SYNE1: variants seen among roughly 807,000 people sequenced by gnomAD.
SYNE1 encodes the protein spectrin repeat containing nuclear envelope protein 1.
In SYNE1, 616 loss-of-function variants were observed where a neutral mutation model predicts 1,111.0. The observed-to-expected ratio is 0.55, with a 90% CI of 0.52 to 0.59. SYNE1 has a LOEUF of 0.59. SYNE1 is among the 20% of genes least tolerant of loss of function. SYNE1 has a pLI of 0.00. For synonymous variants in SYNE1, 3,855 were observed against 3,825.8 expected (o/e 1.01, Z -0.28); for missense variants, 10,006 against 10,417.0 (o/e 0.96, Z 1.72).
At chr6:152,222,178 A>T (rs768392214) in intron 117 of SYNE1, among the ~76,000 whole-genome samples, 1 of 152,338 alleles carries the variant, frequency 6.6e-6, no homozygotes, top group South Asian at 2.1e-4. Context: ...TGCGTTAGGG[A>T]TAAAAACTCC....
chr6:152,158,001 C>T (rs2061710350), intron 131 of SYNE1, among the ~76,000 whole-genome samples: 1 of 152,154 alleles, frequency 6.6e-6, no homozygotes, highest in Non-Finnish European at 1.5e-5. Flanking sequence ...AGGTGATCCG[C>T]CCACCTCGGC....
chr6:152,344,070 G>A lies in SYNE1; in HGVS notation c.12225+11C>T, dbSNP rs1439341633. The stretch of plus-strand genomic sequence containing the variant: ...TCACAAGAATAACACAAACTTTCAG[G>A]AGTTTACTACCTGCTTAATGGCTTC... On this transcript the variant is annotated intron_variant, in intron 74 of 145. Transcript: ENST00000367255. 2 of 1,613,990 alleles carry A rather than the reference G, an allele frequency of 1.2e-6. No homozygotes were observed. The highest frequency in any genetic ancestry group is 1.7e-6 in the Non-Finnish European group (2 of 1,180,004).
intron 106 of SYNE1, 51 bp from the exon 107 acceptor site, chr6:152,242,491 C>T (rs2085967368): frequency 6.2e-7 from 1 of 1,602,416 alleles, no homozygotes; most frequent in African/African-American, 1.3e-5. Flanking sequence ...TCTGGCAACC[C>T]TCTAAAAGCA....
intron 14 of SYNE1, among the ~76,000 whole-genome samples, chr6:152,478,883 C>T (rs894338723): frequency 4.6e-5 from 7 of 152,064 alleles, no homozygotes; most frequent in South Asian, 4.2e-4. Context: ...TGGCTTTCAC[C>T]GGCATTGTGT....
intron 32 of SYNE1, among the ~76,000 whole-genome samples, chr6:152,439,309 T>C (rs1448803086): frequency 6.6e-6 from 1 of 152,242 alleles, no homozygotes; most frequent in Non-Finnish European, 1.5e-5. Flanking sequence ...GGCTGGAACG[T>C]GGTCAGAAAC....
chr6:152,421,898 G>A (rs541152985), intron 39 of SYNE1, among the ~76,000 whole-genome samples: 255 of 152,104 alleles, frequency 1.7e-3, no homozygotes, highest in African/African-American at 5.9e-3. Context: ...TAGAGATGGA[G>A]TTTCACCACA....
intron 61 of SYNE1, 115 bp downstream of exon 61, chr6:152,368,857 T>G: frequency 1.5e-6 from 2 of 1,336,248 alleles, no homozygotes; most frequent in Non-Finnish European, 2.1e-6. Flanking sequence ...ACTGCTGACC[T>G]GGAGACCCAC....
intron 130 of SYNE1, chr6:152,167,726 A>T: frequency 1.9e-6 from 1 of 534,176 alleles, no homozygotes; most frequent in Non-Finnish European, 3.9e-6. Context: ...AGCTAAGGCT[A>T]AATTTCAGTT....
In SYNE1 at chr6:152,380,991, A is replaced by T. The variant is rs1482270079; in HGVS notation, c.9009+15T>A. On this transcript the variant is annotated intron_variant, in intron 56 of 145. Coordinates refer to ENST00000367255, the MANE Select transcript of SYNE1 (RefSeq NM_182961.4). ...TAAAGCATAACCACCAATAGAAAAC[A>T]GGAAGCCAACTTACTTGTCCTTTGT... is the stretch of plus-strand genomic sequence containing the variant. The T allele has an allele frequency of 1.7e-5, 27 of 1,612,366 alleles. No homozygotes were observed. Among genetic ancestry groups the T allele is most frequent in the Non-Finnish European group, 2.2e-5 (26 of 1,178,376 alleles).
In SYNE1 at chr6:152,391,420, C is replaced by A. The variant is rs753209925; in HGVS notation, c.7861G>T (p.Val2621Leu). The A allele has an allele frequency of 6.2e-7, 1 of 1,613,912 alleles. No homozygotes were observed. Among genetic ancestry groups the A allele is most frequent in the South Asian group, 1.1e-5 (1 of 91,052 alleles). Residue 2621 changes from valine to leucine, a missense_variant, in exon 52 of 146, where the codon GTG (valine) becomes TTG (leucine). Transcript: ENST00000367255. The stretch of plus-strand genomic sequence containing the variant: ...AGGGCTTCGTGCTCCTGAAGGGCCA[C>A]CTGGCAGCTCCGGAGTTTCTCTTTG... The part of the protein sequence containing the change: ...MTKEKLRSCQ[V>L]ALQEHEALEE...
intron 3 of SYNE1, among the ~76,000 whole-genome samples, chr6:152,620,290 T>G (rs1040888550): frequency 4.2e-5 from 3 of 71,820 alleles, no homozygotes; most frequent in Non-Finnish European, 3.2e-5. Flanking sequence ...CAGTGTTGAG[T>G]GCCCATTTCA....
chr6:152,378,983 C>T (rs966692133), intron 56 of SYNE1, among the ~76,000 whole-genome samples: 10 of 152,206 alleles, frequency 6.6e-5, no homozygotes, highest in Non-Finnish European at 1.0e-4. Flanking sequence ...AACAATTTCT[C>T]TCTGAAATTC....
At chr6:152,406,902 TA>T (rs1396278949) in intron 45 of SYNE1, 111 bp downstream of exon 45, 110 of 758,850 alleles carry the variant, frequency 1.4e-4, no homozygotes, top group Non-Finnish European at 1.9e-4. Context: ...TAAAATAAAA[TA>T]AAAAATAAAA....
At chr6:152,196,533 C>T (rs73780839) in intron 127 of SYNE1, among the ~76,000 whole-genome samples, 9,839 of 151,984 alleles carry the variant, frequency 0.065, 379 homozygotes, top group African/African-American at 0.11. Flanking sequence ...CCCTTCAATG[C>T]AGCAGGTTCT....
At chr6:152,438,535 A>C (rs1037595067) in intron 32 of SYNE1, among the ~76,000 whole-genome samples, 39 of 152,370 alleles carry the variant, frequency 2.6e-4, no homozygotes, top group African/African-American at 7.7e-4. Flanking sequence ...AGCAGGATGC[A>C]TCAGGTAAAA....
Position 152,354,897 on chromosome 6 carries a change from C to T in SYNE1, c.10688G>A (p.Gly3563Asp). 6.2e-7 allele frequency: 1 copy of T among 1,614,158 alleles called. No individual in the cohort carries two copies. The change falls in exon 67 of 146, where the codon GGT becomes GAT. Residue 3563 changes from glycine (G) to aspartate (D), a missense_variant. Physicochemically the swap from Gly to Asp is moderately conservative, Grantham distance 94. Around this residue, in one of 7 missense-constraint regions of SYNE1, gnomAD observed 4,955 missense variants for 5,017.2 expected, o/e 0.99. Transcript: ENST00000367255. Reference sequence around the variant, plus strand: ...AGCCCGGTCCTCTGCCTGTGGGATACCTGATGGGATCACATCCTCTCTGGT... The same window carrying T: ...AGCCCGGTCCTCTGCCTGTGGGATATCTGATGGGATCACATCCTCTCTGGT... ...LHTREDVIPS[G>D]IPQAEDRALE...
chr6:152,447,124 C>T (rs565158475), intron 29 of SYNE1, among the ~76,000 whole-genome samples: 5 of 152,134 alleles, frequency 3.3e-5, no homozygotes, highest in Non-Finnish European at 5.9e-5. Flanking sequence ...ATTTCTTTGA[C>T]CCTAAGCCTT....
Position 152,249,172 on chromosome 6 carries a change from C to G in SYNE1, c.19561G>C (p.Glu6521Gln), listed in dbSNP as rs199560890. 2.7e-5 allele frequency: 44 copies of G among 1,612,220 alleles called. No individual in the cohort carries two copies. In the East Asian group the frequency reaches 9.8e-4, roughly 36 times the overall value. Residue 6521 changes from glutamate to glutamine, a missense_variant, in exon 105 of 146, where the codon GAA becomes CAA. Glu to Gln is a conservative substitution (Grantham distance 29, BLOSUM62 2). Around this residue, in one of 7 missense-constraint regions of SYNE1, gnomAD observed 2,182 missense variants for 2,287.8 expected, o/e 0.95. Transcript: ENST00000367255. ...LANVFEQPVA[E>Q]QIEAIQQAED... Reference sequence around the variant, plus strand: ...GCAGCTATAAATACCTCTATTTGTTCTGCTACGGGCTGTTCAAACACATTT... The same window carrying G: ...GCAGCTATAAATACCTCTATTTGTTGTGCTACGGGCTGTTCAAACACATTT...
chr6:152,199,705 G>A (rs912357996), intron 127 of SYNE1, among the ~76,000 whole-genome samples: 1 of 152,138 alleles, frequency 6.6e-6, no homozygotes, highest in African/African-American at 2.4e-5. Flanking sequence ...ACGGTAGAAA[G>A]GTTTCCAAAG....
Sources: gnomAD v4.1 joint callset for allele counts (sites outside exome capture counted in the v4.1 genomes callset) on GRCh38, gnomAD v4.1.1 for gene constraint, gnomAD v4.1.1 regional missense constraint, MANE v1.5 for transcripts, NCBI Gene and HGNC (gene_info 2026-07-23, HGNC 2026-07-21) for gene names.